Variants in ZNF655 observed in about 807,000 individuals in gnomAD.
The protein encoded by ZNF655 is Vav-interacting Kruppel-like protein 1.
Under a neutral mutation model 6.6 loss-of-function variants are expected in ZNF655, and 3 were observed. The ratio of observed to expected loss-of-function variants is 0.46; its 90% CI spans 0.21 to 1.18. The LOEUF (loss-of-function observed/expected upper bound fraction) is 1.18, where lower values mean the gene tolerates loss of function less well. ZNF655 is among the 50% of genes most tolerant of loss of function. ZNF655 has a pLI of 0.24. For missense variants in ZNF655, 526 were observed against 572.3 expected, an observed-to-expected ratio of 0.92 and a Z score of 0.83; for synonymous variants, 178 against 195.0, an observed-to-expected ratio of 0.91 and a Z score of 0.73.
chr7:99,572,831 A>G lies in ZNF655; in HGVS notation c.723A>G (p.Lys241=), dbSNP rs1456508302. 18 of 1,613,928 alleles carry G rather than the reference A, an allele frequency of 1.1e-5. No individual in the cohort carries two copies. The highest frequency in any genetic ancestry group is 1.4e-5 in the Non-Finnish European group (16 of 1,179,976). Residue 241 remains lysine, a synonymous_variant, in exon 3 of 3, where the codon AAA becomes AAG. Coordinates refer to ENST00000252713, the MANE Select transcript of ZNF655 (RefSeq NM_138494.3). ...TCCATACTAGAGAGAAGCCCTACAA[A>G]TGTAAAGAATGTGAAAAGTCTTTCA... ...QRIHTREKPY[K]CKECEKSFSQ...
rs183785506 is a variant in ZNF655 at position 99,564,123 on chromosome 7, C to G, written c.136+3428C>G. ...ATGCCACCACTGTGTAAAATCGCAG[C>G]TCCTCAAATTACCTCTGTTTAATTT... On this transcript the variant is annotated intron_variant, in intron 2 of 2. Coordinates refer to ENST00000252713, the MANE Select transcript of ZNF655 (RefSeq NM_138494.3). 5.9e-6 allele frequency: 9 copies of G among 1,516,324 alleles called. No homozygotes were observed. The African/African-American group carries it at 1.1e-4, about 19-fold the overall frequency. The allele number at this position is 1,516,324 out of a possible 1,614,324, so 93.9% of individuals were successfully genotyped here. A position where few individuals can be genotyped will look rare whatever the true frequency, so the allele number is the denominator to read the frequency against.
At position 99,574,110 on chromosome 7, in the gene ZNF655, C is replaced by T. The variant is rs2151172811; in HGVS notation, c.*526C>T. 1 of 153,854 alleles carries T rather than the reference C, an allele frequency of 6.5e-6. No individual in the cohort carries two copies. The highest frequency in any genetic ancestry group is 1.9e-4 in the East Asian group (1 of 5,212). 9.5% of individuals were successfully genotyped at this position (153,854 alleles called of 1,614,324 possible). A position where few individuals can be genotyped will look rare whatever the true frequency, so the allele number is the denominator to read the frequency against. On this transcript the variant is annotated 3_prime_UTR_variant, in exon 3 of 3. Coordinates refer to ENST00000252713, the MANE Select transcript of ZNF655 (RefSeq NM_138494.3). ...TATTTGGGTGTAGTAAATGGCAGAT[C>T]TTTCAATAGGAGTTTAACTAGTCTT...
At chr7:99,564,364 G>A (rs1023991127) in intron 2 of ZNF655, 32 of 1,105,578 alleles carry the variant, frequency 2.9e-5, no homozygotes, top group African/African-American at 1.2e-4. Context: ...AACCTGCCCC[G>A]TATGGTGCCT....
Position 99,573,237 on chromosome 7 carries a change from G to A in ZNF655, c.1129G>A (p.Glu377Lys), listed in dbSNP as rs1804213666. The change falls in exon 3 of 3, where the codon GAA (glutamate) becomes AAA (lysine). Residue 377 changes from glutamate (E) to lysine (K), a missense_variant. Glu to Lys is a moderately conservative substitution (Grantham distance 56). Coordinates refer to ENST00000252713, the MANE Select transcript of ZNF655 (RefSeq NM_138494.3). ...YIKQQGIHFREKPYTCSECGK... is the reference protein window; with the variant it reads ...YIKQQGIHFRKKPYTCSECGK... Reference sequence around the variant, plus strand: ...TAAACAACAAGGAATTCATTTCAGAGAAAAGCCCTATACGTGTAGTGAATG... The same window carrying A: ...TAAACAACAAGGAATTCATTTCAGAAAAAAGCCCTATACGTGTAGTGAATG... 1 of 1,614,138 alleles carries A rather than the reference G, an allele frequency of 6.2e-7. No individual in the cohort carries two copies. Among genetic ancestry groups the A allele is most frequent in the Non-Finnish European group, 8.5e-7 (1 of 1,180,014 alleles).
chr7:99,561,861 A>ACTCTTCACTCCTTTCTCCTCC, intron 2 of ZNF655: 1 of 1,433,458 alleles, frequency 7.0e-7, no homozygotes, highest in Admixed American at 2.7e-5. Context: ...GGCTGCTCTC[A>ACTCTTCACTCCTTTCTCCTCC]CTCTTCACTC....
At position 99,573,063 on chromosome 7, in the gene ZNF655, A is replaced by C; in HGVS notation, c.955A>C (p.Thr319Pro). The C allele has an allele frequency of 6.2e-7, 1 of 1,614,128 alleles. No individual in the cohort carries two copies. The highest frequency in any genetic ancestry group is 8.5e-7 in the Non-Finnish European group (1 of 1,180,004). The part of the protein sequence containing the change: ...ERVFSRSVHL[T>P]QHQKIHKEMP... ...AGTCTTCAGTCGTAGTGTCCACCTT[A>C]CTCAACATCAGAAAATTCACAAAGA... The change falls in exon 3 of 3, where the codon ACT (threonine) becomes CCT (proline). Residue 319 changes from threonine to proline, a missense_variant. Coordinates refer to ENST00000252713, the MANE Select transcript of ZNF655 (RefSeq NM_138494.3).
At chr7:99,564,760 G>A (rs1000776518) in intron 2 of ZNF655, 7 of 966,476 alleles carry the variant, frequency 7.2e-6, no homozygotes, top group Non-Finnish European at 8.6e-6. Flanking sequence ...CAGTCTAATA[G>A]CATAGTATGC....
intron 2 of ZNF655, among the ~76,000 whole-genome samples, chr7:99,568,475 C>T (rs936594572): frequency 6.6e-6 from 1 of 152,044 alleles, no homozygotes; most frequent in South Asian, 2.1e-4. Flanking sequence ...TGGTCTCGAT[C>T]TCCTGACCTT....
rs771493676 is a variant in ZNF655, at chr7:99,574,591, A to G, written c.*1007A>G. 4.6e-5 allele frequency: 7 copies of G among 152,274 alleles called. No individual in the cohort carries two copies. Among genetic ancestry groups the G allele is most frequent in the Non-Finnish European group, 1.0e-4 (7 of 68,032 alleles). The allele number at this position is 152,274 out of a possible 1,614,324, so 9.4% of individuals were successfully genotyped here. ...AGCTGTTTTTATTTTAATATGCCCTATAAACATTTTTATATTTTTTGAAAT... is the reference window on the plus strand; with the variant it reads ...AGCTGTTTTTATTTTAATATGCCCTGTAAACATTTTTATATTTTTTGAAAT... On this transcript the variant is annotated 3_prime_UTR_variant, in exon 3 of 3. Coordinates refer to ENST00000252713, the MANE Select transcript of ZNF655 (RefSeq NM_138494.3).
rs747065673 is a variant in ZNF655 at position 99,572,700 on chromosome 7, C to T, written c.592C>T (p.His198Tyr). 3 of 1,613,268 alleles carry T rather than the reference C, an allele frequency of 1.9e-6. No individual in the cohort carries two copies. In the African/African-American group the frequency reaches 4.0e-5, roughly 22 times the overall value. ...ECKESLMDLS[H>Y]LNKWESIPNT... is the part of the protein sequence containing the mutation. ...TAAGGAAAGCTTAATGGATCTCTCCCACCTTAATAAATGGGAGAGCATCCC... is the reference window on the plus strand; with the variant it reads ...TAAGGAAAGCTTAATGGATCTCTCCTACCTTAATAAATGGGAGAGCATCCC... Residue 198 changes from histidine (H) to tyrosine (Y), a missense_variant, in exon 3 of 3, where the codon CAC (histidine) becomes TAC (tyrosine). Transcript: ENST00000252713.
chr7:99,571,219 T>C lies in ZNF655; in HGVS notation c.137-1026T>C, dbSNP rs1236631740. On this transcript the variant is annotated intron_variant, in intron 2 of 2. Transcript: ENST00000252713. ...ACAAATTGTTTCTTGAGATTGGTCC[T>C]TAGAATATTTATTCAGTTTTCACTG... 7.0e-6 allele frequency: 9 copies of C among 1,286,172 alleles called. No homozygotes were observed. The Admixed American group carries it at 2.1e-4, about 30-fold the overall frequency. The allele number at this position is 1,286,172 out of a possible 1,614,324, so 79.7% of individuals were successfully genotyped here.
chr7:99,559,866 G>T (rs1396182235), intron 1 of ZNF655, among the ~76,000 whole-genome samples: 1 of 150,678 alleles, frequency 6.6e-6, no homozygotes, highest in Non-Finnish European at 1.5e-5. Context: ...GAGCTTAAGG[G>T]ATCCACCCGT....
chr7:99,575,424 C>G lies in ZNF655; in HGVS notation c.*1840C>G, dbSNP rs1411101877. The G allele has an allele frequency of 6.6e-6, 1 of 152,256 alleles. No homozygotes were observed. The highest frequency in any genetic ancestry group is 1.5e-5 in the Non-Finnish European group (1 of 68,108). 9.4% of individuals were successfully genotyped at this position (152,256 alleles called of 1,614,324 possible). On this transcript the variant is annotated 3_prime_UTR_variant, in exon 3 of 3. Transcript: ENST00000252713. ...TGGTGGCACGCGCCTGTAATCCCAG[C>G]TACTCAGGAGGCTGAGGCAGGAGAA...
intron 2 of ZNF655, chr7:99,562,280 A>C: frequency 6.5e-7 from 1 of 1,539,400 alleles, no homozygotes; most frequent in Non-Finnish European, 8.8e-7. Context: ...GTAAGTACAC[A>C]GTGGATACCC....
chr7:99,570,564 G>A (rs1476902654), intron 2 of ZNF655: 1 of 152,144 alleles, frequency 6.6e-6, no homozygotes. Context: ...ATAAGTAGCC[G>A]TTAAGTAAAT....
chr7:99,571,556 C>T (rs562590726), intron 2 of ZNF655: 1 of 996,524 alleles, frequency 1.0e-6, no homozygotes, highest in South Asian at 1.7e-5. Flanking sequence ...CCTCTTCACT[C>T]TCCAGACCTT....
intron 2 of ZNF655, chr7:99,564,639 G>A: frequency 2.0e-6 from 2 of 984,946 alleles, no homozygotes; most frequent in Non-Finnish European, 2.4e-6. Context: ...AAACTGTAAA[G>A]TGACATACAT....
Position 99,572,738 on chromosome 7 carries a change from A to G in ZNF655, c.630A>G (p.Lys210=). 2 of 1,613,152 alleles carry G rather than the reference A, an allele frequency of 1.2e-6. No homozygotes were observed. Among genetic ancestry groups the G allele is most frequent in the South Asian group, 1.1e-5 (1 of 91,038 alleles). ...NKWESIPNTE[K]SYKCDVCGKI... ...GGGAGAGCATCCCTAACACTGAGAAATCCTATAAATGTGATGTATGTGGGA... is the reference window on the plus strand; with the variant it reads ...GGGAGAGCATCCCTAACACTGAGAAGTCCTATAAATGTGATGTATGTGGGA... Residue 210 remains lysine, a synonymous_variant, in exon 3 of 3, where the codon AAA becomes AAG. Coordinates refer to ENST00000252713, the MANE Select transcript of ZNF655 (RefSeq NM_138494.3).
chr7:99,564,683 A>AT, intron 2 of ZNF655: 1 of 985,082 alleles, frequency 1.0e-6, no homozygotes, highest in Non-Finnish European at 1.2e-6. Flanking sequence ...TTATCTAATA[A>AT]TTACAGAGTT....
Sources: gnomAD v4.1 joint callset for allele counts (sites outside exome capture counted in the v4.1 genomes callset) on GRCh38, gnomAD v4.1.1 for gene constraint, MANE v1.5 for transcripts, NCBI Gene and HGNC (gene_info 2026-07-23, HGNC 2026-07-21) for gene names.